Variants in CNTN5 observed in about 807,000 individuals in gnomAD.
CNTN5 encodes contactin-5.
Under a neutral mutation model 129.1 loss-of-function variants are expected in CNTN5, and 77 were observed. The ratio of observed to expected loss-of-function variants is 0.60; its 90% CI spans 0.50 to 0.72. CNTN5 has a LOEUF of 0.72. Ranked by LOEUF, CNTN5 falls within the 30% of genes least tolerant of loss-of-function variation. The pLI, the probability that CNTN5 is intolerant of heterozygous loss-of-function variation, is 0.00. For missense variants in CNTN5, 1,478 were observed against 1,328.8 expected (o/e 1.11, Z -1.75); for synonymous variants, 509 against 465.6 (o/e 1.09, Z -1.20).
chr11:99,737,320 C>A (rs1430553409), intron 3 of CNTN5, among the ~76,000 whole-genome samples: 3 of 152,106 alleles, frequency 2.0e-5, no homozygotes, highest in Non-Finnish European at 4.4e-5. Flanking sequence ...TAATTATCTT[C>A]CAGTTTAAAC....
intron 8 of CNTN5, among the ~76,000 whole-genome samples, chr11:99,986,652 C>T (rs978044473): frequency 6.6e-6 from 1 of 152,166 alleles, no homozygotes; most frequent in Non-Finnish European, 1.5e-5. Flanking sequence ...TCATAGCTCC[C>T]TCCAACTTCC....
intron 1 of CNTN5, among the ~76,000 whole-genome samples, chr11:99,081,268 TTTA>T (rs1865785261): frequency 1.3e-5 from 2 of 152,292 alleles, no homozygotes; most frequent in South Asian, 4.1e-4. Context: ...TTTAGTGCTT[TTTA>T]TTGAGTGGAA....
intron 23 of CNTN5, among the ~76,000 whole-genome samples, chr11:100,349,063 C>T (rs865844192): frequency 3.3e-5 from 5 of 151,724 alleles, no homozygotes; most frequent in African/African-American, 1.2e-4. Context: ...TAAGGATTTC[C>T]ATAGATAAAA....
At chr11:100,243,199 T>G (rs923761028) in intron 16 of CNTN5, among the ~76,000 whole-genome samples, 1 of 152,154 alleles carries the variant, frequency 6.6e-6, no homozygotes, top group Admixed American at 6.5e-5. Flanking sequence ...ATATTAAAAA[T>G]TAAATGCAGA....
chr11:99,793,636 C>T (rs867189434), intron 3 of CNTN5, among the ~76,000 whole-genome samples: 48 of 152,192 alleles, frequency 3.2e-4, no homozygotes, highest in Middle Eastern at 3.4e-3. Flanking sequence ...TTTTTCATTA[C>T]TTTCAAAAAA....
intron 1 of CNTN5, among the ~76,000 whole-genome samples, chr11:99,289,794 A>G (rs1864092054): frequency 1.3e-5 from 2 of 151,776 alleles, no homozygotes; most frequent in African/African-American, 4.8e-5. Context: ...ATTTCATGGA[A>G]CTAGACTTTG....
chr11:100,335,112 A>T (rs539487), intron 21 of CNTN5, among the ~76,000 whole-genome samples: 1 of 151,740 alleles, frequency 6.6e-6, no homozygotes, highest in Non-Finnish European at 1.5e-5. Context: ...AGGGAGATTC[A>T]GGAGATCTCT....
chr11:100,004,972 T>C lies in CNTN5; in HGVS notation c.980+2836T>C, dbSNP rs935524507. ...CCACTCTACAAGCCTGCGGATGCAATTGTCAGTTCACAAGGCAAGGCAGAG... is the reference window on the plus strand; with the variant it reads ...CCACTCTACAAGCCTGCGGATGCAACTGTCAGTTCACAAGGCAAGGCAGAG... On this transcript the variant is annotated intron_variant, in intron 9 of 24. Coordinates refer to ENST00000524871, the MANE Select transcript of CNTN5 (RefSeq NM_014361.4). 3.9e-5 allele frequency among the ~76,000 whole-genome samples: 6 copies of C among 152,216 alleles called. No individual in the cohort carries two copies. The South Asian group carries it at 6.2e-4, about 16-fold the overall frequency.
intron 2 of CNTN5, among the ~76,000 whole-genome samples, chr11:99,349,380 C>T (rs1938131434): frequency 6.6e-6 from 1 of 152,182 alleles, no homozygotes. Flanking sequence ...CTTCTCCCCA[C>T]TACCCTTAAG....
At chr11:100,316,974 CTTTG>C in intron 21 of CNTN5, among the ~76,000 whole-genome samples, 1 of 152,296 alleles carries the variant, frequency 6.6e-6, no homozygotes. Flanking sequence ...CTAGCAACTT[CTTTG>C]TTTGGGCTAC....
rs139098213 is a variant in CNTN5, at chr11:100,167,917, C to T, written c.1581-23209C>T. ...TCCTGGACAGAATTTACAAGTGCAT[C>T]TCCATTGAATACACAAATGATAAGA... is the stretch of plus-strand genomic sequence containing the variant. On this transcript the variant is annotated intron_variant, in intron 13 of 24. Transcript: ENST00000524871. Among the ~76,000 whole-genome samples the T allele has an allele frequency of 3.4e-4, 52 of 152,072 alleles. No homozygotes were observed. The East Asian group carries it at 9.7e-3, about 28-fold the overall frequency.
chr11:99,475,439 A>G (rs1945334217), intron 2 of CNTN5, among the ~76,000 whole-genome samples: 1 of 152,180 alleles, frequency 6.6e-6, no homozygotes, highest in South Asian at 2.1e-4. Context: ...AAAACTACCA[A>G]CATAGGCCAT....
chr11:99,287,428 C>G (rs1863984166), intron 1 of CNTN5, among the ~76,000 whole-genome samples: 1 of 152,008 alleles, frequency 6.6e-6, no homozygotes. Flanking sequence ...ATAAGACTGT[C>G]TCCTATTATT....
intron 8 of CNTN5, among the ~76,000 whole-genome samples, chr11:99,971,827 T>A (rs1254377391): frequency 1.3e-5 from 2 of 151,528 alleles, no homozygotes; most frequent in African/African-American, 4.9e-5. Context: ...TAAATTATAA[T>A]ATTTAATTTT....
chr11:99,392,816 T>A (rs544356410), intron 2 of CNTN5, among the ~76,000 whole-genome samples: 1 of 152,028 alleles, frequency 6.6e-6, no homozygotes, highest in East Asian at 1.9e-4. Context: ...AAAGACATAT[T>A]TTTAATCCAA....
intron 23 of CNTN5, among the ~76,000 whole-genome samples, chr11:100,349,807 G>T (rs1952364284): frequency 6.6e-6 from 1 of 151,752 alleles, no homozygotes; most frequent in Non-Finnish European, 1.5e-5. Context: ...TATTTTTGGA[G>T]GCAAGTAATA....
chr11:99,418,923 A>G lies in CNTN5; in HGVS notation c.-71+93439A>G, dbSNP rs568704532. Among the ~76,000 whole-genome samples, 4 of 152,284 alleles carry G rather than the reference A, an allele frequency of 2.6e-5. No homozygotes were observed. The South Asian group carries it at 6.2e-4, about 24-fold the overall frequency. On this transcript the variant is annotated intron_variant, in intron 2 of 24. Coordinates refer to ENST00000524871, the MANE Select transcript of CNTN5 (RefSeq NM_014361.4). ...GGAAAAGTTCAAGCTTTGGAGACAG[A>G]TGAATTGTATGGGATAACATATGCT...
chr11:99,040,364 G>A (rs1863939827), intron 1 of CNTN5, among the ~76,000 whole-genome samples: 1 of 152,022 alleles, frequency 6.6e-6, no homozygotes, highest in Non-Finnish European at 1.5e-5. Flanking sequence ...CTTTTAGCTT[G>A]TTTCACCATA....
intron 9 of CNTN5, among the ~76,000 whole-genome samples, chr11:100,046,737 G>C (rs1942698292): frequency 6.6e-6 from 1 of 151,928 alleles, no homozygotes; most frequent in African/African-American, 2.4e-5. Context: ...AATAAGCATG[G>C]CAGGGTAGTT....
Sources: allele counts gnomAD v4.1 joint callset (sites outside exome capture counted in the v4.1 genomes callset), GRCh38; gene constraint gnomAD v4.1.1; transcripts MANE v1.5; gene names NCBI Gene and HGNC (gene_info 2026-07-23, HGNC 2026-07-21).